OPCML: variants seen among roughly 807,000 people sequenced by gnomAD.
The protein encoded by OPCML is opioid-binding protein/cell adhesion molecule.
A neutral mutation model predicts 37.8 loss-of-function variants in OPCML; 13 were observed. The ratio of observed to expected loss-of-function variants is 0.34; its 90% CI spans 0.22 to 0.55. The LOEUF is 0.55. OPCML is among the 20% of genes least tolerant of loss of function. The pLI is 0.91. For synonymous variants in OPCML, 176 were observed against 168.8 expected, an observed-to-expected ratio of 1.04 and a Z score of -0.33; for missense variants, 341 against 435.6, an observed-to-expected ratio of 0.78 and a Z score of 1.93.
At chr11:133,410,634 TAAAAAA>T (rs71038527) in intron 1 of OPCML, among the ~76,000 whole-genome samples, 171 of 46,914 alleles carry the variant, frequency 3.6e-3, no homozygotes, top group East Asian at 9.5e-3. Flanking sequence ...AGAAAAAAAG[TAAAAAA>T]AAAAAAAAAA....
chr11:132,743,453 A>T (rs1488158121), intron 2 of OPCML, among the ~76,000 whole-genome samples: 1 of 152,206 alleles, frequency 6.6e-6, no homozygotes, highest in Non-Finnish European at 1.5e-5. Flanking sequence ...TGGGAAGGAC[A>T]TCTGATTAGA....
At chr11:133,180,027 A>G (rs1431594250) in intron 1 of OPCML, among the ~76,000 whole-genome samples, 2 of 152,198 alleles carry the variant, frequency 1.3e-5, no homozygotes, top group African/African-American at 4.8e-5. Flanking sequence ...TGGGCCTTAA[A>G]TATGGTCCCT....
intron 1 of OPCML, among the ~76,000 whole-genome samples, chr11:133,308,978 TTAAA>T (rs1455848957): frequency 2.0e-5 from 3 of 152,144 alleles, no homozygotes; most frequent in Admixed American, 1.3e-4. Flanking sequence ...AAGTGAACAC[TTAAA>T]TAAATGGAGG....
At chr11:133,197,679 C>G (rs911571374) in intron 1 of OPCML, among the ~76,000 whole-genome samples, 2 of 152,194 alleles carry the variant, frequency 1.3e-5, no homozygotes, top group African/African-American at 4.8e-5. Flanking sequence ...AATTCCGAGT[C>G]AATAGCTACA....
chr11:133,392,634 G>A (rs566324519), intron 1 of OPCML, among the ~76,000 whole-genome samples: 1 of 152,218 alleles, frequency 6.6e-6, no homozygotes, highest in African/African-American at 2.4e-5. Flanking sequence ...TCTGAGGCTT[G>A]TGACTTAGCT....
chr11:133,108,511 G>T (rs1013929469), intron 1 of OPCML, among the ~76,000 whole-genome samples: 2 of 152,082 alleles, frequency 1.3e-5, no homozygotes, highest in African/African-American at 4.8e-5. Context: ...TTAGAATGTC[G>T]TGCGCTAGAG....
intron 1 of OPCML, among the ~76,000 whole-genome samples, chr11:133,483,986 T>A (rs569995569): frequency 2.0e-4 from 29 of 143,650 alleles, no homozygotes; most frequent in South Asian, 4.3e-4. Context: ...GATAGAAAGA[T>A]AGCTAGCTAG....
Position 133,486,847 on chromosome 11 carries a change from C to T in OPCML, c.61+45417G>A, listed in dbSNP as rs991533383. Among the ~76,000 whole-genome samples, 20 of 125,812 alleles carry T rather than the reference C, an allele frequency of 1.6e-4. 1 individual carries two copies. The highest frequency in any genetic ancestry group is 1.3e-3 in the Admixed American group (17 of 12,596). The allele number at this position is 125,812 out of a possible 152,430, so 82.5% of individuals were successfully genotyped here. ...CTATCTCTCGCTCTCTCCCCCCCTTCTCTCTTCTCTCTCTCTCTTTCCCTC... is the reference window on the plus strand; with the variant it reads ...CTATCTCTCGCTCTCTCCCCCCCTTTTCTCTTCTCTCTCTCTCTTTCCCTC... On this transcript the variant is annotated intron_variant, in intron 1 of 7. Transcript: ENST00000524381.
chr11:133,341,345 AGG>A (rs553503638), intron 1 of OPCML, among the ~76,000 whole-genome samples: 182 of 152,332 alleles, frequency 1.2e-3, no homozygotes, highest in African/African-American at 3.8e-3. Context: ...GTGTCAAATG[AGG>A]TGCCTCGACC....
intron 2 of OPCML, among the ~76,000 whole-genome samples, chr11:132,693,527 A>G (rs1943484801): frequency 1.3e-5 from 2 of 152,214 alleles, no homozygotes; most frequent in African/African-American, 2.4e-5. Context: ...ACATTCTCCA[A>G]ATGAAGAATA....
intron 1 of OPCML, among the ~76,000 whole-genome samples, chr11:133,482,744 G>C (rs573724260): frequency 1.3e-5 from 2 of 152,072 alleles, no homozygotes; most frequent in East Asian, 3.9e-4. Flanking sequence ...AATAAAGCTT[G>C]TTATCTATTT....
chr11:132,507,848 T>C lies in OPCML; in HGVS notation c.505+21213A>G, dbSNP rs529776187. Among the ~76,000 whole-genome samples, 9 of 143,704 alleles carry C rather than the reference T, an allele frequency of 6.3e-5. No homozygotes were observed. In the Admixed American group the frequency reaches 6.3e-4, roughly 10 times the overall value. 94.3% of individuals were successfully genotyped at this position (143,704 alleles called of 152,430 possible). On this transcript the variant is annotated intron_variant, in intron 4 of 7. Transcript: ENST00000524381. The stretch of plus-strand genomic sequence containing the variant: ...ACTACTAAAGCAAAAACAGTAAATA[T>C]GGAGTAAAAAAGAATGTTTTCACAT...
chr11:133,363,596 G>T (rs899195397), intron 1 of OPCML, among the ~76,000 whole-genome samples: 11 of 152,190 alleles, frequency 7.2e-5, no homozygotes, highest in Non-Finnish European at 1.5e-4. Flanking sequence ...GGTTGGGGAG[G>T]TGCAGAGGCA....
In OPCML at chr11:132,655,816, G is replaced by A. The variant is rs889617011; in HGVS notation, c.379+1271C>T. The stretch of plus-strand genomic sequence containing the variant: ...TGAAGCATGAATAGACAGCCCCCAC[G>A]CAACCTCTCTCTAGGAAACCAATTG... On this transcript the variant is annotated intron_variant, in intron 3 of 7. Coordinates refer to ENST00000524381, the MANE Select transcript of OPCML (RefSeq NM_001012393.5). 4.6e-5 allele frequency among the ~76,000 whole-genome samples: 7 copies of A among 150,840 alleles called. No individual in the cohort carries two copies. In the South Asian group the frequency reaches 8.4e-4, roughly 18 times the overall value.
chr11:132,746,449 A>C (rs1036163400), intron 2 of OPCML, among the ~76,000 whole-genome samples: 1 of 150,724 alleles, frequency 6.6e-6, no homozygotes, highest in Non-Finnish European at 1.5e-5. Context: ...GTTTATACCC[A>C]CTCCTCCCCC....
intron 2 of OPCML, among the ~76,000 whole-genome samples, chr11:132,778,901 CCT>C (rs1303371124): frequency 1.3e-5 from 2 of 151,190 alleles, no homozygotes; most frequent in African/African-American, 4.9e-5. Flanking sequence ...ACTGAATATT[CCT>C]TTTTTCTTAT....
intron 2 of OPCML, among the ~76,000 whole-genome samples, chr11:132,666,308 G>C (rs1307590511): frequency 6.6e-6 from 1 of 152,148 alleles, no homozygotes; most frequent in African/African-American, 2.4e-5. Flanking sequence ...TGGCAAGAGA[G>C]GGAGCAAGAA....
intron 1 of OPCML, among the ~76,000 whole-genome samples, chr11:133,487,965 A>G (rs1947565955): frequency 1.3e-5 from 2 of 152,170 alleles, no homozygotes; most frequent in African/African-American, 4.8e-5. Context: ...AAGGATGGTT[A>G]AACATATACA....
intron 1 of OPCML, among the ~76,000 whole-genome samples, chr11:133,078,864 C>G (rs1948665358): frequency 1.3e-5 from 2 of 152,180 alleles, no homozygotes; most frequent in African/African-American, 4.8e-5. Context: ...TTCATACACT[C>G]CTTATGCTAT....
Sources: gnomAD v4.1 joint callset for allele counts (sites outside exome capture counted in the v4.1 genomes callset) on GRCh38, gnomAD v4.1.1 for gene constraint, MANE v1.5 for transcripts, NCBI Gene and HGNC (gene_info 2026-07-23, HGNC 2026-07-21) for gene names.